The following ZNF362 variants were observed in gnomAD, a reference collection of about 807,000 sequenced individuals.
ZNF362 encodes zinc finger protein 362, also known as rotund homolog.
A neutral mutation model predicts 42.9 loss-of-function variants in ZNF362; 11 were observed. The ratio of observed to expected loss-of-function variants is 0.26; its 90% CI spans 0.16 to 0.42. ZNF362 has a LOEUF of 0.42. ZNF362 is among the 20% of genes least tolerant of loss of function. ZNF362 has a pLI of 1.00. For synonymous variants in ZNF362, 255 were observed against 257.3 expected (o/e 0.99, Z 0.09); for missense variants, 362 against 576.2 (o/e 0.63, Z 3.81).
upstream of ZNF362, among the ~76,000 whole-genome samples, chr1:33,251,561 A>C (rs939467845): frequency 2.6e-5 from 4 of 152,152 alleles, no homozygotes; most frequent in Non-Finnish European, 4.4e-5. Context: ...ATCTCTGCTT[A>C]ACACCTTCCT....
At chr1:33,286,991 C>T (rs567960394) in intron 6 of ZNF362, among the ~76,000 whole-genome samples, 70 of 152,212 alleles carry the variant, frequency 4.6e-4, no homozygotes, top group Non-Finnish European at 8.4e-4. Context: ...GGAGCATGGT[C>T]GGAGTGAGGC....
chr1:33,268,527 G>A (rs1295333737), intron 1 of ZNF362, among the ~76,000 whole-genome samples: 1 of 152,202 alleles, frequency 6.6e-6, no homozygotes. Flanking sequence ...GGGTACAAAG[G>A]GAGCAGAGAG....
chr1:33,296,889 C>A (rs568556488), intron 8 of ZNF362, among the ~76,000 whole-genome samples: 1 of 145,162 alleles, frequency 6.9e-6, no homozygotes, highest in African/African-American at 2.6e-5. Flanking sequence ...AGGCTGGAAT[C>A]AAAATCCTGG....
chr1:33,212,555 C>T, the ZNF362 span, among the ~76,000 whole-genome samples: 2 of 152,088 alleles, frequency 1.3e-5, no homozygotes, highest in South Asian at 2.1e-4. Context: ...CGCTAGGCAT[C>T]TGCTTGGCTT....
chr1:33,187,492 G>C, the ZNF362 span, among the ~76,000 whole-genome samples: 2 of 152,190 alleles, frequency 1.3e-5, no homozygotes, highest in African/African-American at 4.8e-5. Context: ...AAGGATAACA[G>C]ATAAGAGGAG....
At chr1:33,202,945 T>A in the ZNF362 span, among the ~76,000 whole-genome samples, 1 of 152,168 alleles carries the variant, frequency 6.6e-6, no homozygotes, top group South Asian at 2.1e-4. Context: ...GTCAAGCAAA[T>A]TAACATATCC....
At chr1:33,174,939 A>G in the ZNF362 span, among the ~76,000 whole-genome samples, 3 of 32,644 alleles carry the variant, frequency 9.2e-5, no homozygotes, top group South Asian at 3.9e-3. Flanking sequence ...ACATACATAT[A>G]TGTGTGTATA....
chr1:33,225,429 TA>T, the ZNF362 span, among the ~76,000 whole-genome samples: 1 of 152,176 alleles, frequency 6.6e-6, no homozygotes, highest in African/African-American at 2.4e-5. Context: ...CTGATTTATT[TA>T]AAAAATATAT....
At chr1:33,189,676 T>TATACAC in the ZNF362 span, among the ~76,000 whole-genome samples, 7 of 22,756 alleles carry the variant, frequency 3.1e-4, no homozygotes, top group South Asian at 1.4e-3. Flanking sequence ...TATATATGTA[T>TATACAC]ATATATACGT....
the ZNF362 span, among the ~76,000 whole-genome samples, chr1:33,161,757 C>T: frequency 6.6e-6 from 1 of 152,164 alleles, no homozygotes; most frequent in African/African-American, 2.4e-5. This position sits in a 1 kb window ranked among gnomAD's most constrained non-coding sequence, Gnocchi z 4.3. Flanking sequence ...CGCCCAGACT[C>T]CGCAGCTACT....
At chr1:33,273,796 A>G (rs1645923231) in intron 2 of ZNF362, among the ~76,000 whole-genome samples, 1 of 152,220 alleles carries the variant, frequency 6.6e-6, no homozygotes, top group South Asian at 2.1e-4. Context: ...TCTGATGAGA[A>G]TGCCAGTGGG....
chr1:33,154,438 C>T, the ZNF362 span, among the ~76,000 whole-genome samples: 1 of 151,304 alleles, frequency 6.6e-6, no homozygotes, highest in Non-Finnish European at 1.5e-5. Context: ...GCTTCTCATT[C>T]TCTCTTCCAT....
chr1:33,144,477 C>T, the ZNF362 span, among the ~76,000 whole-genome samples: 11 of 152,278 alleles, frequency 7.2e-5, no homozygotes, highest in Middle Eastern at 3.4e-3. Flanking sequence ...TGTGATTTTG[C>T]GTGTACTAAA....
the ZNF362 span, among the ~76,000 whole-genome samples, chr1:33,140,124 G>A: frequency 6.6e-6 from 1 of 152,120 alleles, no homozygotes; most frequent in Non-Finnish European, 1.5e-5. This position sits in a 1 kb window ranked among gnomAD's most constrained non-coding sequence, Gnocchi z 4.0. Context: ...GGGAGAGAGG[G>A]GTACCAATGG....
the ZNF362 span, among the ~76,000 whole-genome samples, chr1:33,187,701 T>TAG: frequency 1.3e-5 from 2 of 152,208 alleles, no homozygotes; most frequent in African/African-American, 4.8e-5. Flanking sequence ...GATATAATTT[T>TAG]AGGTTTAGTA....
At chr1:33,265,488 C>T (rs1483385929) in intron 1 of ZNF362, among the ~76,000 whole-genome samples, 1 of 152,076 alleles carries the variant, frequency 6.6e-6, no homozygotes, top group East Asian at 1.9e-4. Context: ...ATCCAGGACC[C>T]TGGGAGCCTC....
At chr1:33,286,861 T>C (rs1003926824) in intron 6 of ZNF362, among the ~76,000 whole-genome samples, 2 of 152,080 alleles carry the variant, frequency 1.3e-5, no homozygotes, top group African/African-American at 2.4e-5. Context: ...TTACAGCCAC[T>C]AATGAAGGGC....
the ZNF362 span, among the ~76,000 whole-genome samples, chr1:33,188,543 A>G: frequency 9.8e-3 from 1,486 of 152,218 alleles, 29 homozygotes; most frequent in African/African-American, 0.034. Context: ...GAGTCACAGC[A>G]CCTCCAGGGT....
intron 6 of ZNF362, among the ~76,000 whole-genome samples, chr1:33,282,615 A>C (rs1221357995): frequency 6.6e-6 from 1 of 152,132 alleles, no homozygotes; most frequent in Non-Finnish European, 1.5e-5. Flanking sequence ...TGAGGTCAGG[A>C]GTTCATGACC....
Sources: allele counts gnomAD v4.1 joint callset (sites outside exome capture counted in the v4.1 genomes callset), GRCh38; gene constraint gnomAD v4.1.1; non-coding constraint Gnocchi (gnomAD v3.1); transcripts MANE v1.5; gene names NCBI Gene and HGNC (gene_info 2026-07-23, HGNC 2026-07-21).